LDAH: variants seen among roughly 807,000 people sequenced by gnomAD.
LDAH encodes lipid droplet-associated hydrolase.
LDAH carries 26 observed loss-of-function variants against 29.6 expected under a neutral mutation model. The ratio of observed to expected loss-of-function variants is 0.88; its 90% CI spans 0.64 to 1.22. The LOEUF is 1.22. Ranked by LOEUF, LDAH falls within the 50% of genes most tolerant of loss-of-function variation. The pLI is 0.00. For synonymous variants in LDAH, 117 were observed against 133.0 expected, an observed-to-expected ratio of 0.88 and a Z score of 0.83; for missense variants, 344 against 387.3, an observed-to-expected ratio of 0.89 and a Z score of 0.94.
chr2:20,774,850 T>C lies in LDAH; in HGVS notation c.428A>G (p.Tyr143Cys), dbSNP rs1166283165. 8 of 1,613,376 alleles carry C rather than the reference T, an allele frequency of 5.0e-6. No homozygotes were observed. The highest frequency in any genetic ancestry group is 1.3e-5 in the African/African-American group (1 of 75,012). ...TCGCTTCAGCATCTGAAGTGTGAAA[T>C]AGCTGCCTATTGAATGGCCAATGAG... ...LVLIGHSIGS[Y>C]FTLQMLKRVP... The change falls in exon 4 of 7, where the codon TAT becomes TGT. Residue 143 changes from tyrosine (Y) to cysteine (C), a missense_variant. Transcript: ENST00000237822.
At chr2:20,710,573 T>C (rs1664641779) in intron 5 of LDAH, among the ~76,000 whole-genome samples, 1 of 143,438 alleles carries the variant, frequency 7.0e-6, no homozygotes, top group Admixed American at 7.1e-5. Flanking sequence ...CCCCGGACTA[T>C]ATATATATAG....
chr2:20,804,514 G>T (rs1671931138), intron 1 of LDAH, among the ~76,000 whole-genome samples: 2 of 152,014 alleles, frequency 1.3e-5, no homozygotes, highest in Non-Finnish European at 2.9e-5. Context: ...TATATGACTC[G>T]ATATTAAGGA....
intron 4 of LDAH, among the ~76,000 whole-genome samples, chr2:20,751,624 T>C (rs1667980160): frequency 6.6e-6 from 1 of 152,236 alleles, no homozygotes; most frequent in Non-Finnish European, 1.5e-5. Context: ...TAACTTATTC[T>C]AATAACTTAA....
At chr2:20,693,142 G>A (rs1663160536) in intron 6 of LDAH, among the ~76,000 whole-genome samples, 1 of 152,118 alleles carries the variant, frequency 6.6e-6, no homozygotes, top group South Asian at 2.1e-4. Context: ...CTAGTTACCT[G>A]TGGGCTAGTG....
intron 5 of LDAH, 43 bp downstream of exon 5, chr2:20,739,928 G>C: frequency 7.0e-7 from 1 of 1,438,812 alleles, no homozygotes; most frequent in Non-Finnish European, 9.7e-7. Flanking sequence ...TAAACATTTT[G>C]TGATACAAGA....
At chr2:20,724,053 C>G (rs1248130455) in intron 5 of LDAH, among the ~76,000 whole-genome samples, 1 of 152,186 alleles carries the variant, frequency 6.6e-6, no homozygotes, top group African/African-American at 2.4e-5. Context: ...CGAGTGAGGG[C>G]TAAAGCTGGA....
At chr2:20,696,769 CAG>C (rs761067509) in intron 6 of LDAH, among the ~76,000 whole-genome samples, 9 of 152,160 alleles carry the variant, frequency 5.9e-5, no homozygotes, top group East Asian at 5.8e-4. Flanking sequence ...CCTCATGAAA[CAG>C]AGAATACTCC....
At chr2:20,756,524 C>T (rs1668356547) in intron 4 of LDAH, among the ~76,000 whole-genome samples, 2 of 151,800 alleles carry the variant, frequency 1.3e-5, no homozygotes, top group African/African-American at 4.8e-5. Flanking sequence ...AAGAGAGACC[C>T]ATGAAGTAAA....
At chr2:20,807,382 T>A (rs1176271351) in intron 1 of LDAH, among the ~76,000 whole-genome samples, 1 of 152,126 alleles carries the variant, frequency 6.6e-6, no homozygotes, top group Non-Finnish European at 1.5e-5. Flanking sequence ...AATCAGCAAT[T>A]CTTTGTAATT....
rs1391586198 is a variant in LDAH at position 20,684,623 on chromosome 2, T to C, written c.*2280A>G. The C allele has an allele frequency of 1.1e-5, 4 of 356,814 alleles. No individual in the cohort carries two copies. The highest frequency in any genetic ancestry group is 2.0e-5 in the Non-Finnish European group (4 of 198,520). The allele number at this position is 356,814 out of a possible 1,614,324, so 22.1% of individuals were successfully genotyped here. ...TCTCCAAAGGTTGAGTGGAGAAGCG[T>C]ATGGTGAGAGGCCCTTGGTGGCCAT... is the stretch of plus-strand genomic sequence containing the variant. On this transcript the variant is annotated 3_prime_UTR_variant, in exon 7 of 7. Transcript: ENST00000237822.
At chr2:20,810,983 A>G (rs1672443888) in intron 1 of LDAH, among the ~76,000 whole-genome samples, 1 of 151,942 alleles carries the variant, frequency 6.6e-6, no homozygotes, top group African/African-American at 2.4e-5. Flanking sequence ...GACTTCCACA[A>G]AATGGGTCCC....
At chr2:20,717,318 G>A (rs1488583356) in intron 5 of LDAH, among the ~76,000 whole-genome samples, 2 of 152,144 alleles carry the variant, frequency 1.3e-5, no homozygotes, top group Non-Finnish European at 2.9e-5. Context: ...AATCCACAGA[G>A]TGGAAGAAGA....
intron 6 of LDAH, among the ~76,000 whole-genome samples, chr2:20,700,337 A>C (rs1273766746): frequency 6.6e-6 from 1 of 152,168 alleles, no homozygotes; most frequent in Non-Finnish European, 1.5e-5. Context: ...ATGAGACAAA[A>C]CAACACTGGC....
chr2:20,699,879 G>A lies in LDAH; in HGVS notation c.786+1691C>T, dbSNP rs371711659. On this transcript the variant is annotated intron_variant, in intron 6 of 6. Coordinates refer to ENST00000237822, the MANE Select transcript of LDAH (RefSeq NM_021925.4). ...TGGATTTCACTTGGGACAGGAATAA[G>A]TTAGCACCTTTCTTTGACCTTTTTC... is the stretch of plus-strand genomic sequence containing the variant. 1.2e-3 allele frequency among the ~76,000 whole-genome samples: 181 copies of A among 152,314 alleles called. 1 individual carries two copies. Among genetic ancestry groups the A allele is most frequent in the African/African-American group, 3.9e-3 (164 of 41,564 alleles).
intron 2 of LDAH, among the ~76,000 whole-genome samples, chr2:20,795,445 T>C (rs868287620): frequency 2.0e-5 from 3 of 152,204 alleles, no homozygotes; most frequent in Middle Eastern, 3.2e-3. Context: ...ATACTTCACA[T>C]GGTTCTGTTA....
intron 3 of LDAH, among the ~76,000 whole-genome samples, chr2:20,776,338 G>A (rs1669828450): frequency 6.6e-6 from 1 of 152,098 alleles, no homozygotes; most frequent in Admixed American, 6.6e-5. Context: ...TATGATTCAT[G>A]ATGTGAGGAG....
intron 4 of LDAH, among the ~76,000 whole-genome samples, chr2:20,750,023 C>CTTTT (rs147397062): frequency 7.9e-6 from 1 of 127,092 alleles, no homozygotes; most frequent in East Asian, 2.3e-4. Context: ...CCTTACTAAA[C>CTTTT]TTTTTTTTTT....
chr2:20,747,113 A>T (rs1330993560), intron 4 of LDAH, among the ~76,000 whole-genome samples: 1 of 152,072 alleles, frequency 6.6e-6, no homozygotes, highest in Admixed American at 6.6e-5. Context: ...TTAGGTGTGG[A>T]TTGTGCACAA....
intron 3 of LDAH, among the ~76,000 whole-genome samples, 183 bp from the exon 4 acceptor site, chr2:20,775,162 A>G (rs1467045748): frequency 6.6e-6 from 1 of 152,178 alleles, no homozygotes; most frequent in Non-Finnish European, 1.5e-5. Context: ...GGAAGGAAAC[A>G]TTATAACCTT....
Sources: gnomAD v4.1 joint callset for allele counts (sites outside exome capture counted in the v4.1 genomes callset) on GRCh38, gnomAD v4.1.1 for gene constraint, MANE v1.5 for transcripts, NCBI Gene and HGNC (gene_info 2026-07-23, HGNC 2026-07-21) for gene names.